THSD7A: variants seen among roughly 807,000 people sequenced by gnomAD.
The protein encoded by THSD7A is thrombospondin type-1 domain-containing protein 7A.
In THSD7A, 96 loss-of-function variants were observed where a neutral mutation model predicts 231.3. The observed-to-expected ratio is 0.41, with a 90% CI of 0.35 to 0.49. The LOEUF (loss-of-function observed/expected upper bound fraction) is 0.49. Among genes scored for constraint, THSD7A ranks in the 20% least tolerant of loss-of-function variants. The pLI is 0.05. For missense variants in THSD7A, 2,290 were observed against 2,070.2 expected, an observed-to-expected ratio of 1.11 and a Z score of -2.06; for synonymous variants, 940 against 743.3, an observed-to-expected ratio of 1.26 and a Z score of -4.30.
At position 11,429,040 on chromosome 7, in the gene THSD7A, G is replaced by A; in HGVS notation, c.3150C>T (p.Ser1050=). The part of the protein sequence containing the change: ...EWSNWSRCSK[S]CGSGVKVRSK... ...AACGAACCTTCACACCACTCCCACAGGACTTGCTGCAGCGCGACCAGTTGG... is the reference window on the plus strand; with the variant it reads ...AACGAACCTTCACACCACTCCCACAAGACTTGCTGCAGCGCGACCAGTTGG... The change falls in exon 14 of 28, where the codon TCC becomes TCT. Residue 1050 remains serine, a synonymous_variant. Coordinates refer to ENST00000423059, the MANE Select transcript of THSD7A (RefSeq NM_015204.3). 1 of 1,613,238 alleles carries A rather than the reference G, an allele frequency of 6.2e-7. No homozygotes were observed. The highest frequency in any genetic ancestry group is 8.5e-7 in the Non-Finnish European group (1 of 1,179,530).
chr7:11,595,807 T>C (rs972941276), intron 2 of THSD7A, among the ~76,000 whole-genome samples: 2 of 152,212 alleles, frequency 1.3e-5, no homozygotes, highest in Non-Finnish European at 2.9e-5. Context: ...AATTGGATCC[T>C]GAGGTGGCAA....
intron 6 of THSD7A, among the ~76,000 whole-genome samples, chr7:11,512,033 C>T (rs1329891484): frequency 6.6e-6 from 1 of 152,188 alleles, no homozygotes; most frequent in East Asian, 1.9e-4. Flanking sequence ...ACCATCTACT[C>T]ATCTGACAAA....
intron 1 of THSD7A, among the ~76,000 whole-genome samples, chr7:11,775,377 G>A (rs1244728995): frequency 6.6e-6 from 1 of 152,148 alleles, no homozygotes; most frequent in Non-Finnish European, 1.5e-5. Context: ...AAGGCAGTCT[G>A]AGCTATTTGT....
intron 1 of THSD7A, among the ~76,000 whole-genome samples, chr7:11,679,556 TAGAC>T (rs771915629): frequency 6.6e-6 from 1 of 150,798 alleles, no homozygotes; most frequent in Non-Finnish European, 1.5e-5. Context: ...ACACTAATAA[TAGAC>T]AGAGAGCCAA....
intron 1 of THSD7A, among the ~76,000 whole-genome samples, chr7:11,654,967 T>G (rs903062504): frequency 6.6e-6 from 1 of 151,904 alleles, no homozygotes; most frequent in African/African-American, 2.4e-5. Context: ...AATTTAAACC[T>G]GAAGGATGTC....
At chr7:11,609,563 C>T (rs1780852670) in intron 2 of THSD7A, among the ~76,000 whole-genome samples, 1 of 151,910 alleles carries the variant, frequency 6.6e-6, no homozygotes, top group African/African-American at 2.4e-5. Flanking sequence ...TGAAAGAATT[C>T]CTAAATATTA....
At chr7:11,440,929 T>A (rs1157170002) in intron 13 of THSD7A, among the ~76,000 whole-genome samples, 1 of 152,036 alleles carries the variant, frequency 6.6e-6, no homozygotes, top group Non-Finnish European at 1.5e-5. Context: ...TCAAACAACA[T>A]TGCATGCAAC....
chr7:11,662,719 A>C (rs1191200075), intron 1 of THSD7A, among the ~76,000 whole-genome samples: 1 of 151,376 alleles, frequency 6.6e-6, no homozygotes, highest in East Asian at 1.9e-4. Context: ...AAAGAGTATA[A>C]TCTCTGACCA....
At chr7:11,487,632 GA>G (rs1307241611) in intron 6 of THSD7A, among the ~76,000 whole-genome samples, 2 of 152,070 alleles carry the variant, frequency 1.3e-5, no homozygotes, top group Non-Finnish European at 2.9e-5. Flanking sequence ...CACATGGCTG[GA>G]AAGGCCTCAC....
At chr7:11,594,700 C>G (rs934404767) in intron 2 of THSD7A, among the ~76,000 whole-genome samples, 3 of 152,152 alleles carry the variant, frequency 2.0e-5, no homozygotes, top group Admixed American at 6.5e-5. Context: ...ATTCTAACTC[C>G]TAGCTTCATA....
At chr7:11,537,290 T>C (rs894195160) in intron 6 of THSD7A, among the ~76,000 whole-genome samples, 10 of 152,164 alleles carry the variant, frequency 6.6e-5, no homozygotes, top group African/African-American at 2.2e-4. Context: ...CCCTGGATAC[T>C]AAAGTCAATG....
intron 1 of THSD7A, among the ~76,000 whole-genome samples, chr7:11,800,327 T>C (rs1226506877): frequency 1.3e-5 from 2 of 152,140 alleles, no homozygotes; most frequent in East Asian, 1.9e-4. Context: ...GGTGAGAAGA[T>C]CGCCTGAGGT....
chr7:11,746,265 C>T (rs10271381), intron 1 of THSD7A, among the ~76,000 whole-genome samples: 5 of 151,780 alleles, frequency 3.3e-5, no homozygotes, highest in Non-Finnish European at 7.4e-5. Context: ...GCCCTCACAC[C>T]GTTTTTCCTA....
chr7:11,429,266 A>T (rs1171484243), intron 13 of THSD7A, 141 bp from the exon 14 acceptor site: 8 of 725,240 alleles, frequency 1.1e-5, no homozygotes, highest in Non-Finnish European at 1.5e-5. Context: ...GTTGTAAGGG[A>T]CTTGAATTAA....
intron 2 of THSD7A, among the ~76,000 whole-genome samples, chr7:11,616,137 A>C (rs1371825668): frequency 6.6e-6 from 1 of 152,016 alleles, no homozygotes; most frequent in Non-Finnish European, 1.5e-5. Context: ...AATAGATAAT[A>C]TTTTCTAATC....
Position 11,406,581 on chromosome 7 carries a change from A to T in THSD7A, c.4063-107T>A. ...CTGACTTTGATTTATGAACATTTAG[A>T]GAAGGATTTGAAACCCTAGGGAAGA... On this transcript the variant is annotated intron_variant, in intron 21 of 27. Transcript: ENST00000423059. This position sits in a 1 kb window ranked among gnomAD's most constrained non-coding sequence, Gnocchi z 4.7. The T allele has an allele frequency of 3.2e-6, 4 of 1,263,196 alleles. No individual in the cohort carries two copies. The highest frequency in any genetic ancestry group is 4.3e-6 in the Non-Finnish European group (4 of 933,576). The allele number at this position is 1,263,196 out of a possible 1,614,324, so 78.2% of individuals were successfully genotyped here. A position where few individuals can be genotyped will look rare whatever the true frequency, so the allele number is the denominator to read the frequency against.
intron 4 of THSD7A, among the ~76,000 whole-genome samples, chr7:11,558,476 A>G (rs903583390): frequency 4.6e-5 from 7 of 152,144 alleles, no homozygotes; most frequent in Non-Finnish European, 7.3e-5. Flanking sequence ...GTGAACTACT[A>G]ATCCCAAGTC....
chr7:11,414,656 C>T (rs1296954076), intron 17 of THSD7A, among the ~76,000 whole-genome samples: 1 of 152,196 alleles, frequency 6.6e-6, no homozygotes, highest in Non-Finnish European at 1.5e-5. Context: ...TGCCATTCAT[C>T]TACTGGTACA....
At chr7:11,742,607 C>T (rs1171272707) in intron 1 of THSD7A, among the ~76,000 whole-genome samples, 2 of 152,014 alleles carry the variant, frequency 1.3e-5, no homozygotes, top group East Asian at 1.9e-4. Context: ...AAGAAATTCT[C>T]ATAAAAAATT....
Sources: gnomAD v4.1 joint callset for allele counts (sites outside exome capture counted in the v4.1 genomes callset) on GRCh38, gnomAD v4.1.1 for gene constraint, Gnocchi (gnomAD v3.1) non-coding constraint, MANE v1.5 for transcripts, NCBI Gene and HGNC (gene_info 2026-07-23, HGNC 2026-07-21) for gene names.